AGBL4: variants seen among roughly 807,000 people sequenced by gnomAD.
AGBL4 encodes AGBL carboxypeptidase 4, also known as cytosolic carboxypeptidase 6.
AGBL4 carries 58 observed loss-of-function variants against 66.4 expected under a neutral mutation model. That is an observed-to-expected ratio of 0.87 (90% CI 0.71 to 1.09). The LOEUF (loss-of-function observed/expected upper bound fraction) is 1.09. Ranked by LOEUF, AGBL4 falls within the 50% of genes least tolerant of loss-of-function variation. AGBL4 has a pLI of 0.00. For missense variants in AGBL4, 579 were observed against 631.0 expected (o/e 0.92, Z 0.88); for synonymous variants, 234 against 222.9 (o/e 1.05, Z -0.44).
chr1:49,039,522 T>C (rs1368479133), intron 5 of AGBL4, among the ~76,000 whole-genome samples: 1 of 151,976 alleles, frequency 6.6e-6, no homozygotes, highest in African/African-American at 2.4e-5. Context: ...AAAGAGTATA[T>C]TAAAAACAAA....
intron 3 of AGBL4, among the ~76,000 whole-genome samples, chr1:49,458,222 T>G (rs769711248): frequency 2.0e-5 from 3 of 151,632 alleles, no homozygotes; most frequent in Non-Finnish European, 2.9e-5. Context: ...CATCTATGAC[T>G]TTTTTCAGCA....
intron 6 of AGBL4, among the ~76,000 whole-genome samples, chr1:48,806,731 T>C (rs1456239062): frequency 1.3e-5 from 2 of 152,138 alleles, no homozygotes; most frequent in African/African-American, 4.8e-5. Context: ...TCCTTTGCCA[T>C]TTGGTAAGAG....
chr1:49,310,456 T>C (rs1274907163), intron 3 of AGBL4, among the ~76,000 whole-genome samples: 1 of 152,078 alleles, frequency 6.6e-6, no homozygotes, highest in Admixed American at 6.6e-5. Context: ...CTGGATTTTC[T>C]AAAAAATTAA....
intron 5 of AGBL4, among the ~76,000 whole-genome samples, chr1:48,904,313 G>T (rs1652377715): frequency 2.6e-5 from 4 of 152,110 alleles, no homozygotes; most frequent in Non-Finnish European, 2.9e-5. Flanking sequence ...CTCAATTACT[G>T]CTTGGCTAAT....
intron 5 of AGBL4, among the ~76,000 whole-genome samples, chr1:48,957,446 T>C (rs1484775346): frequency 6.6e-6 from 1 of 152,212 alleles, no homozygotes; most frequent in Non-Finnish European, 1.5e-5. Flanking sequence ...CTACTGTACA[T>C]GTGTGACATT....
intron 9 of AGBL4, among the ~76,000 whole-genome samples, chr1:48,621,959 T>TTC (rs1553196681): frequency 7.9e-5 from 12 of 152,192 alleles, no homozygotes; most frequent in South Asian, 2.1e-4. Context: ...AGATTTTTTT[T>TTC]TCTCTCTCTC....
intron 6 of AGBL4, among the ~76,000 whole-genome samples, chr1:48,751,741 A>G (rs1362523305): frequency 6.6e-6 from 1 of 152,198 alleles, no homozygotes; most frequent in Non-Finnish European, 1.5e-5. Context: ...GGAAAAGCCT[A>G]ACAACTTCCT....
chr1:48,695,866 C>T (rs1646705790), intron 6 of AGBL4, among the ~76,000 whole-genome samples: 1 of 152,186 alleles, frequency 6.6e-6, no homozygotes, highest in African/African-American at 2.4e-5. Context: ...CCTAGACCAC[C>T]ACCAACCCCT....
intron 3 of AGBL4, among the ~76,000 whole-genome samples, chr1:49,317,702 G>A (rs1645064449): frequency 6.6e-6 from 1 of 151,870 alleles, no homozygotes; most frequent in Non-Finnish European, 1.5e-5. Flanking sequence ...GAGCAGGCAG[G>A]AAGTCTGTGT....
intron 5 of AGBL4, among the ~76,000 whole-genome samples, chr1:48,945,371 T>C (rs1656409668): frequency 1.3e-5 from 2 of 152,146 alleles, no homozygotes; most frequent in African/African-American, 4.8e-5. Context: ...CACAACAAGA[T>C]CCTGGGACCA....
chr1:48,974,639 T>A (rs565166965), intron 5 of AGBL4, among the ~76,000 whole-genome samples: 4 of 152,242 alleles, frequency 2.6e-5, no homozygotes, highest in African/African-American at 9.6e-5. Flanking sequence ...TCTTATTACT[T>A]CCCCATTTGA....
chr1:49,095,010 A>G (rs1368075738), intron 4 of AGBL4, among the ~76,000 whole-genome samples: 1 of 152,206 alleles, frequency 6.6e-6, no homozygotes, highest in Non-Finnish European at 1.5e-5. Flanking sequence ...ATCAATGTGC[A>G]AAAATCACAA....
At chr1:49,849,298 G>A (rs1451915996) in intron 2 of AGBL4, among the ~76,000 whole-genome samples, 1 of 151,956 alleles carries the variant, frequency 6.6e-6, no homozygotes, top group Non-Finnish European at 1.5e-5. Flanking sequence ...GGATGTGTGG[G>A]AAGGCCCTCC....
chr1:48,870,822 G>A (rs761182308), intron 5 of AGBL4, among the ~76,000 whole-genome samples: 5 of 152,128 alleles, frequency 3.3e-5, no homozygotes, highest in Non-Finnish European at 5.9e-5. Context: ...GCAGATATGC[G>A]TAGGCTGTTG....
rs74429434 is a variant in AGBL4, at chr1:48,884,391, C to CT, written c.595-17162dup. ...AGTCTCACTGGTTCGAGAGCCTGGA[C>CT]TTTTTTTTTTTTTCCTATATTGCAC... On this transcript the variant is annotated intron_variant, in intron 5 of 13. Coordinates refer to ENST00000371839, the MANE Select transcript of AGBL4 (RefSeq NM_032785.4). Among the ~76,000 whole-genome samples, 736 of 145,946 alleles carry CT rather than the reference C, an allele frequency of 5.0e-3. 4 individuals carry two copies. The highest frequency in any genetic ancestry group is 0.017 in the African/African-American group (651 of 39,384).
intron 4 of AGBL4, among the ~76,000 whole-genome samples, chr1:49,142,790 A>C (rs1015057680): frequency 3.9e-5 from 6 of 152,162 alleles, no homozygotes; most frequent in Non-Finnish European, 8.8e-5. Context: ...ATAAATAATT[A>C]TAATAACAAA....
At chr1:48,820,912 A>C (rs947880102) in intron 6 of AGBL4, among the ~76,000 whole-genome samples, 9 of 152,188 alleles carry the variant, frequency 5.9e-5, no homozygotes, top group African/African-American at 1.4e-4. Flanking sequence ...AAGAAAAAAA[A>C]CCAAACAATC....
chr1:48,592,666 A>T (rs1432996763), intron 9 of AGBL4, among the ~76,000 whole-genome samples: 2 of 152,202 alleles, frequency 1.3e-5, no homozygotes, highest in Non-Finnish European at 2.9e-5. Context: ...AGGTAGAAAG[A>T]TGATTTAAGA....
chr1:48,990,079 G>A (rs753602362), intron 5 of AGBL4, among the ~76,000 whole-genome samples: 1 of 152,162 alleles, frequency 6.6e-6, no homozygotes, highest in Non-Finnish European at 1.5e-5. Context: ...CCATTCTAGC[G>A]GGGGTGAGAT....
Sources: allele counts gnomAD v4.1 joint callset (sites outside exome capture counted in the v4.1 genomes callset), GRCh38; gene constraint gnomAD v4.1.1; transcripts MANE v1.5; gene names NCBI Gene and HGNC (gene_info 2026-07-23, HGNC 2026-07-21).